PCNT: variants seen among roughly 807,000 people sequenced by gnomAD.
The protein encoded by PCNT is pericentrin.
A neutral mutation model predicts 380.4 loss-of-function variants in PCNT; 319 were observed. The ratio of observed to expected loss-of-function variants is 0.84; its 90% CI spans 0.77 to 0.92. The LOEUF (loss-of-function observed/expected upper bound fraction) is 0.92, where lower values mean the gene tolerates loss of function less well. Ranked by LOEUF, PCNT falls within the 40% of genes least tolerant of loss-of-function variation. The pLI is 0.00. For missense variants in PCNT, 4,400 were observed against 4,255.3 expected, an observed-to-expected ratio of 1.03 and a Z score of -0.95; for synonymous variants, 1,845 against 1,735.2, an observed-to-expected ratio of 1.06 and a Z score of -1.57.
intron 4 of PCNT, 81 bp from the exon 5 acceptor site, chr21:46,346,656 ACTCATT>A (rs1254873642): frequency 2.1e-6 from 3 of 1,458,288 alleles, no homozygotes; most frequent in South Asian, 1.2e-5. Context: ...TGTCTTCCTT[ACTCATT>A]CTCATTCATG....
At chr21:46,427,511 T>C in intron 33 of PCNT, 111 bp from the exon 34 acceptor site, 1 of 1,233,576 alleles carries the variant, frequency 8.1e-7, no homozygotes, top group Non-Finnish European at 1.2e-6. Context: ...TCATTTACCC[T>C]GAATCACCTC....
chr21:46,359,481 T>TTTTTTTTTG (rs2084614489), intron 13 of PCNT, among the ~76,000 whole-genome samples: 1 of 76,478 alleles, frequency 1.3e-5, no homozygotes, highest in Admixed American at 1.4e-4. Context: ...AATACACCTG[T>TTTTTTTTTG]TTTTTTTTTG....
intron 45 of PCNT, 31 bp downstream of exon 45, chr21:46,443,979 T>G: frequency 6.2e-7 from 1 of 1,604,320 alleles, no homozygotes. Context: ...CCCCGTCTCC[T>G]GCCAGGGCTC....
chr21:46,378,878 C>T (rs1164513674), intron 15 of PCNT, among the ~76,000 whole-genome samples: 1 of 152,160 alleles, frequency 6.6e-6, no homozygotes, highest in South Asian at 2.1e-4. Context: ...ATCTTTCTAT[C>T]TTTTTGTGCT....
intron 31 of PCNT, among the ~76,000 whole-genome samples, chr21:46,419,088 A>G (rs1460451327): frequency 2.0e-5 from 3 of 151,572 alleles, no homozygotes; most frequent in Non-Finnish European, 4.4e-5. Context: ...AACTTTTTCT[A>G]TAATTGTTGT....
rs781579296 is a variant in PCNT at position 46,421,975 on chromosome 21, G to T, written c.7030G>T (p.Gly2344Cys). 1 of 1,614,064 alleles carries T rather than the reference G, an allele frequency of 6.2e-7. No homozygotes were observed. Among genetic ancestry groups the T allele is most frequent in the Non-Finnish European group, 8.5e-7 (1 of 1,179,968 alleles). ...TGACCCTGTGGTGTTTTTAGGTGAC[G>T]GCTCGGGTTTTGGAGCAAGACTGAG... ...GKADRSEKSD[G>C]SGFGARLSPG... Residue 2344 changes from glycine to cysteine, a missense_variant, in exon 32 of 47, where the codon GGC becomes TGC. Physicochemically the swap from Gly to Cys is radical, Grantham distance 159. Transcript: ENST00000359568.
chr21:46,431,847 AAGG>A lies in PCNT; in HGVS notation c.8389_8391del (p.Glu2797del), dbSNP rs760927489. 38 of 1,613,870 alleles carry A rather than the reference AAGG, an allele frequency of 2.4e-5. No individual in the cohort carries two copies. Among genetic ancestry groups the A allele is most frequent in the Middle Eastern group, 1.6e-4 (1 of 6,084 alleles). On this transcript the variant is annotated inframe_deletion, in exon 38 of 47. Transcript: ENST00000359568. ...CCATCACGCTCTGCTGCAGAAGCTG[AAGG>A]AGGAGAAGTCCCGGGTGGTGGACTT...
Position 46,432,216 on chromosome 21 carries a change from G to A in PCNT, c.8751+1G>A. ...GTGGCAGAGAGACAAGGAGAAGCTG[G>A]TGAGAGCCGCCTGCCGGCGGAGCGT... On this transcript the variant is annotated splice_donor_variant, in intron 38 of 46. Coordinates refer to ENST00000359568, the MANE Select transcript of PCNT (RefSeq NM_006031.6). LOFTEE classifies it high-confidence loss of function. 1 of 1,605,888 alleles carries A rather than the reference G, an allele frequency of 6.2e-7. No homozygotes were observed. The highest frequency in any genetic ancestry group is 8.5e-7 in the Non-Finnish European group (1 of 1,177,324).
In PCNT at chr21:46,401,741, A is replaced by G. The variant is rs1000338317; in HGVS notation, c.4962+20A>G. ...AGCGAGGTGAGTGCAGAGTGGGGCC[A>G]TGGGACTGCCAGCCCTGGGTCAGTG... On this transcript the variant is annotated intron_variant, in intron 26 of 46. Coordinates refer to ENST00000359568, the MANE Select transcript of PCNT (RefSeq NM_006031.6). 1.9e-6 allele frequency: 3 copies of G among 1,613,566 alleles called. No homozygotes were observed. The highest frequency in any genetic ancestry group is 2.5e-6 in the Non-Finnish European group (3 of 1,179,762).
Position 46,349,028 on chromosome 21 carries a change from G to C in PCNT, c.1049G>C (p.Trp350Ser). The change falls in exon 7 of 47, where the codon TGG (tryptophan) becomes TCG (serine). Residue 350 changes from tryptophan (W) to serine (S), a missense_variant. Trp to Ser is a radical substitution (Grantham distance 177). Coordinates refer to ENST00000359568, the MANE Select transcript of PCNT (RefSeq NM_006031.6). ...TTAAATTAGACCCTGAAGGAAGATT[G>C]GGAATCTGAAAAAGATTTATGTTTA... is the stretch of plus-strand genomic sequence containing the variant. Reference protein sequence around the residue: ...AQIVKTLKEDWESEKDLCLEN... With the variant: ...AQIVKTLKEDSESEKDLCLEN... 6.3e-7 allele frequency: 1 copy of C among 1,591,826 alleles called. No individual in the cohort carries two copies. Among genetic ancestry groups the C allele is most frequent in the Non-Finnish European group, 8.6e-7 (1 of 1,160,008 alleles).
At chr21:46,368,653 C>T (rs1183728318) in intron 15 of PCNT, among the ~76,000 whole-genome samples, 6 of 152,234 alleles carry the variant, frequency 3.9e-5, no homozygotes, top group African/African-American at 1.4e-4. Context: ...GAGGTTTTCT[C>T]ACCTTGAAAT....
At chr21:46,417,225 G>A (rs1192908540) in intron 30 of PCNT, among the ~76,000 whole-genome samples, 2 of 115,546 alleles carry the variant, frequency 1.7e-5, no homozygotes, top group Non-Finnish European at 1.6e-5. Context: ...ATGGAGTCTC[G>A]CTCTGTCACC....
intron 6 of PCNT, 23 bp downstream of exon 6, chr21:46,347,535 T>C: frequency 1.2e-6 from 2 of 1,610,580 alleles, no homozygotes; most frequent in Non-Finnish European, 1.7e-6. Context: ...GATTCTAAAA[T>C]GCACGCCTCT....
Position 46,412,879 on chromosome 21 carries a change from C to CT in PCNT, c.6038dup (p.Cys2014LeufsTer27), listed in dbSNP as rs752986448. 2 of 1,612,766 alleles carry CT rather than the reference C, an allele frequency of 1.2e-6. No homozygotes were observed. Among genetic ancestry groups the CT allele is most frequent in the African/African-American group, 2.7e-5 (2 of 74,946 alleles). On this transcript the variant is annotated frameshift_variant, in exon 29 of 47. Coordinates refer to ENST00000359568, the MANE Select transcript of PCNT (RefSeq NM_006031.6). LOFTEE classifies it high-confidence loss of function. Reference sequence around the variant, plus strand: ...CCTGGTGACGTTGAAGGATGCACCTCTCTGCAAGCAAGAAGGCGTGATGTC... The same window carrying CT: ...CCTGGTGACGTTGAAGGATGCACCTCTTCTGCAAGCAAGAAGGCGTGATGTC...
intron 26 of PCNT, among the ~76,000 whole-genome samples, chr21:46,402,127 T>TA (rs895138262): frequency 1.2e-4 from 3 of 25,012 alleles, no homozygotes; most frequent in Non-Finnish European, 2.2e-4. Context: ...GTGCTGGGAT[T>TA]ACAGGCGTGA....
chr21:46,420,070 T>C (rs1365525813), intron 31 of PCNT, among the ~76,000 whole-genome samples: 1 of 152,182 alleles, frequency 6.6e-6, no homozygotes, highest in Non-Finnish European at 1.5e-5. Flanking sequence ...CCACTGCCTC[T>C]GTGCCCGCGC....
intron 35 of PCNT, 149 bp from the exon 36 acceptor site, chr21:46,429,861 C>T: frequency 1.5e-6 from 1 of 660,748 alleles, no homozygotes. Flanking sequence ...CCTGGTTCCA[C>T]CCGCAGTGAA....
chr21:46,374,538 A>G (rs1330268595), intron 15 of PCNT, among the ~76,000 whole-genome samples: 3 of 152,202 alleles, frequency 2.0e-5, no homozygotes, highest in East Asian at 1.9e-4. Flanking sequence ...GTCTTTCCTC[A>G]GGCTTTACAC....
At chr21:46,326,220 G>A (rs938403851) in intron 1 of PCNT, among the ~76,000 whole-genome samples, 157 bp from the exon 2 acceptor site, 9 of 152,246 alleles carry the variant, frequency 5.9e-5, no homozygotes, top group Non-Finnish European at 1.0e-4. Context: ...ATTGATGAAG[G>A]CAGTGTTTGT....
Sources: gnomAD v4.1 joint callset for allele counts (sites outside exome capture counted in the v4.1 genomes callset) on GRCh38, gnomAD v4.1.1 for gene constraint, MANE v1.5 for transcripts, NCBI Gene and HGNC (gene_info 2026-07-23, HGNC 2026-07-21) for gene names.